Variants in AKIRIN1 observed in about 807,000 individuals in gnomAD.
AKIRIN1 encodes the protein akirin-1.
Under a neutral mutation model 25.9 loss-of-function variants are expected in AKIRIN1, and 4 were observed. That is an observed-to-expected ratio of 0.15 (90% CI 0.08 to 0.35). AKIRIN1 has a LOEUF of 0.35. Among genes scored for constraint, AKIRIN1 ranks in the 10% least tolerant of loss-of-function variants. The pLI, the probability that AKIRIN1 is intolerant of heterozygous loss-of-function variation, is 1.00. For synonymous variants in AKIRIN1, 125 were observed against 105.1 expected (o/e 1.19, Z -1.16); for missense variants, 243 against 266.1 (o/e 0.91, Z 0.61).
intron 2 of AKIRIN1, 79 bp downstream of exon 2, chr1:38,998,390 C>T (rs908946230): frequency 7.1e-7 from 1 of 1,412,328 alleles, no homozygotes; most frequent in Non-Finnish European, 9.5e-7. Context: ...GAATTGGCCT[C>T]CTCTAATGTA....
At chr1:38,994,120 G>A (rs138712227) in intron 1 of AKIRIN1, among the ~76,000 whole-genome samples, 6 of 151,064 alleles carry the variant, frequency 4.0e-5, no homozygotes, top group Non-Finnish European at 5.9e-5. Context: ...TCTGAAATCC[G>A]AAATGCTGCA....
chr1:39,000,008 G>A (rs565161980), intron 2 of AKIRIN1, among the ~76,000 whole-genome samples: 7 of 151,970 alleles, frequency 4.6e-5, no homozygotes, highest in East Asian at 1.9e-4. Context: ...TCAGCCTCCC[G>A]AGTAGCTGGG....
At chr1:38,997,931 T>C (rs1643959552) in intron 1 of AKIRIN1, among the ~76,000 whole-genome samples, 1 of 152,224 alleles carries the variant, frequency 6.6e-6, no homozygotes, top group South Asian at 2.1e-4. Context: ...GTAGCTATTC[T>C]TTTATGCATT....
chr1:39,002,045 A>G (rs1018066938), intron 3 of AKIRIN1, among the ~76,000 whole-genome samples: 3 of 152,244 alleles, frequency 2.0e-5, no homozygotes, highest in African/African-American at 4.8e-5. Flanking sequence ...AATCAGAAAT[A>G]GGAAATAGTA....
intron 1 of AKIRIN1, among the ~76,000 whole-genome samples, chr1:38,993,842 G>A (rs567473051): frequency 2.0e-5 from 3 of 151,996 alleles, no homozygotes; most frequent in South Asian, 2.1e-4. Flanking sequence ...AGGCGGAGGC[G>A]GGCGGATCAC....
At chr1:38,994,825 GATTAC>G (rs1258870380) in intron 1 of AKIRIN1, among the ~76,000 whole-genome samples, 6 of 151,874 alleles carry the variant, frequency 4.0e-5, no homozygotes, top group Admixed American at 3.9e-4. Context: ...AGAACGCTGG[GATTAC>G]AGGCGCATGC....
chr1:38,992,709 T>G (rs1434844798), intron 1 of AKIRIN1, among the ~76,000 whole-genome samples: 1 of 152,218 alleles, frequency 6.6e-6, no homozygotes, highest in Non-Finnish European at 1.5e-5. Flanking sequence ...AAAGGACTTA[T>G]GAACTGTGAC....
intron 2 of AKIRIN1, among the ~76,000 whole-genome samples, chr1:38,999,150 A>C (rs1643969974): frequency 1.3e-5 from 2 of 152,334 alleles, no homozygotes; most frequent in Admixed American, 6.5e-5. Context: ...TCAACAGCCC[A>C]GTGTTTGACC....
chr1:38,998,976 C>G (rs1326180391), intron 2 of AKIRIN1, among the ~76,000 whole-genome samples: 1 of 152,064 alleles, frequency 6.6e-6, no homozygotes, highest in Non-Finnish European at 1.5e-5. Flanking sequence ...CATGCAGTTA[C>G]GAGATATTTC....
At chr1:38,996,299 G>T (rs1643947844) in intron 1 of AKIRIN1, among the ~76,000 whole-genome samples, 1 of 151,926 alleles carries the variant, frequency 6.6e-6, no homozygotes. Context: ...CGCCATGTTG[G>T]TCAGGCTGGT....
intron 2 of AKIRIN1, among the ~76,000 whole-genome samples, chr1:38,998,760 G>T (rs1429362710): frequency 2.0e-5 from 3 of 151,862 alleles, no homozygotes; most frequent in Non-Finnish European, 2.9e-5. Context: ...AAAAAAATTA[G>T]CCAGGCATGG....
Position 38,992,903 on chromosome 1 carries a change from A to G in AKIRIN1, c.220+1303A>G, listed in dbSNP as rs1370419612. Among the ~76,000 whole-genome samples, 7 of 152,198 alleles carry G rather than the reference A, an allele frequency of 4.6e-5. No homozygotes were observed. The South Asian group carries it at 6.2e-4, about 14-fold the overall frequency. ...GCCCATAAAAAACGCTGTTCTACTT[A>G]AATTCCCCGGCCATTCAATGTTGTA... On this transcript the variant is annotated intron_variant, in intron 1 of 4. Transcript: ENST00000432648.
chr1:38,997,784 A>G (rs1309350350), intron 1 of AKIRIN1, among the ~76,000 whole-genome samples: 1 of 152,224 alleles, frequency 6.6e-6, no homozygotes, highest in Non-Finnish European at 1.5e-5. Flanking sequence ...AAAGGAGATT[A>G]AAAAATAATC....
rs1256496228 is a variant in AKIRIN1, at chr1:39,003,341, T to C, written c.497-6T>C. On this transcript the variant is annotated splice_polypyrimidine_tract_variant and splice_region_variant and intron_variant, in intron 3 of 4. Coordinates refer to ENST00000432648, the MANE Select transcript of AKIRIN1 (RefSeq NM_024595.3). ...CTGAGGATAAGTATGTACTGTCTTC[T>C]CACAGAACAATATGAATCTTTTGTG... 1 of 1,613,160 alleles carries C rather than the reference T, an allele frequency of 6.2e-7. No individual in the cohort carries two copies. Among genetic ancestry groups the C allele is most frequent in the African/African-American group, 1.3e-5 (1 of 74,894 alleles).
intron 1 of AKIRIN1, among the ~76,000 whole-genome samples, chr1:38,993,158 A>G (rs1171061199): frequency 6.6e-6 from 1 of 152,226 alleles, no homozygotes; most frequent in African/African-American, 2.4e-5. Flanking sequence ...AGTATTTTGA[A>G]AAGTATAAAG....
intron 3 of AKIRIN1, among the ~76,000 whole-genome samples, chr1:39,002,812 C>T (rs1016869262): frequency 3.9e-5 from 6 of 152,124 alleles, no homozygotes; most frequent in African/African-American, 1.4e-4. Context: ...GGTTCTGAGT[C>T]ACTTCTTTGT....
At chr1:38,994,821 C>G (rs1487639500) in intron 1 of AKIRIN1, among the ~76,000 whole-genome samples, 2 of 151,814 alleles carry the variant, frequency 1.3e-5, no homozygotes, top group Non-Finnish European at 2.9e-5. Flanking sequence ...TCCCAGAACG[C>G]TGGGATTACA....
In AKIRIN1 at chr1:38,991,539, C is replaced by T. The variant is rs1405750681; in HGVS notation, c.159C>T (p.Thr53=). 6.9e-7 allele frequency: 1 copy of T among 1,456,700 alleles called. No homozygotes were observed. Among genetic ancestry groups the T allele is most frequent in the East Asian group, 3.0e-5 (1 of 33,604 alleles). The allele number at this position is 1,456,700 out of a possible 1,614,324, so 90.2% of individuals were successfully genotyped here. A position where few individuals can be genotyped will look rare whatever the true frequency, so the allele number is the denominator to read the frequency against. Residue 53 remains threonine (T), a synonymous_variant, in exon 1 of 5, where the codon ACC becomes ACT. Coordinates refer to ENST00000432648, the MANE Select transcript of AKIRIN1 (RefSeq NM_024595.3). The part of the protein sequence containing the change: ...AEPPPPFQTQ[T]PPQSLQQPAP... ...CGCCGCCGCCGTTTCAGACGCAGAC[C>T]CCACCGCAGAGTCTGCAGCAGCCCG...
chr1:38,994,284 A>G (rs1361997824), intron 1 of AKIRIN1, among the ~76,000 whole-genome samples: 3 of 152,156 alleles, frequency 2.0e-5, no homozygotes, highest in East Asian at 3.8e-4. Context: ...AGCATTTTGG[A>G]TGAGGGATGC....
Sources: gnomAD v4.1 joint callset for allele counts (sites outside exome capture counted in the v4.1 genomes callset) on GRCh38, gnomAD v4.1.1 for gene constraint, MANE v1.5 for transcripts, NCBI Gene and HGNC (gene_info 2026-07-23, HGNC 2026-07-21) for gene names.